Variants in CTNND2 observed in about 807,000 individuals in gnomAD.
CTNND2 encodes the protein catenin delta 2, also known as catenin delta-2.
Under a neutral mutation model 144.4 loss-of-function variants are expected in CTNND2, and 22 were observed. The observed-to-expected ratio is 0.15, with a 90% CI of 0.11 to 0.22. CTNND2 has a LOEUF of 0.22. CTNND2 is among the 10% of genes least tolerant of loss of function. The pLI, the probability that CTNND2 is intolerant of heterozygous loss-of-function variation, is 1.00. For missense variants in CTNND2, 1,353 were observed against 1,618.8 expected, an observed-to-expected ratio of 0.84 and a Z score of 2.82; for synonymous variants, 751 against 695.6, an observed-to-expected ratio of 1.08 and a Z score of -1.25.
chr5:11,524,138 C>T (rs895485212), intron 3 of CTNND2, among the ~76,000 whole-genome samples: 2 of 152,140 alleles, frequency 1.3e-5, no homozygotes, highest in African/African-American at 4.8e-5. Flanking sequence ...AAGCCTGGGG[C>T]TGGAATCTGT....
At chr5:11,430,398 T>A in intron 3 of CTNND2, among the ~76,000 whole-genome samples, 2 of 127,618 alleles carry the variant, frequency 1.6e-5, no homozygotes, top group Non-Finnish European at 1.6e-5. Context: ...TCAAAAATAA[T>A]GATGTAGGTG....
chr5:11,504,413 T>C (rs1202879802), intron 3 of CTNND2, among the ~76,000 whole-genome samples: 1 of 152,186 alleles, frequency 6.6e-6, no homozygotes, highest in African/African-American at 2.4e-5. Context: ...AAATTGTATA[T>C]GTATATAAAA....
At chr5:11,131,050 G>A (rs1489353265) in intron 12 of CTNND2, among the ~76,000 whole-genome samples, 8 of 152,086 alleles carry the variant, frequency 5.3e-5, no homozygotes, top group East Asian at 1.9e-4. Context: ...CAAACACAGC[G>A]AAAAGAAAAT....
chr5:11,721,005 CT>C (rs1786644272), intron 2 of CTNND2, among the ~76,000 whole-genome samples: 1 of 152,156 alleles, frequency 6.6e-6, no homozygotes, highest in Non-Finnish European at 1.5e-5. Flanking sequence ...TCCACACAAA[CT>C]TGTACACAAA....
At chr5:11,134,419 C>T (rs980642075) in intron 12 of CTNND2, among the ~76,000 whole-genome samples, 1 of 152,184 alleles carries the variant, frequency 6.6e-6, no homozygotes, top group Non-Finnish European at 1.5e-5. Context: ...AGCCAAGACC[C>T]CTGCATTTCT....
At chr5:10,982,853 G>C (rs1293640838) in intron 20 of CTNND2, among the ~76,000 whole-genome samples, 3 of 152,196 alleles carry the variant, frequency 2.0e-5, no homozygotes, top group Non-Finnish European at 2.9e-5. Flanking sequence ...GCAGCAACGT[G>C]GTGGAACTGG....
intron 10 of CTNND2, among the ~76,000 whole-genome samples, chr5:11,209,863 A>C (rs940906457): frequency 5.9e-5 from 9 of 152,154 alleles, no homozygotes; most frequent in African/African-American, 2.2e-4. Context: ...TGGAGCTTGC[A>C]GTGAGCCGAG....
chr5:11,818,344 C>T (rs1376007861), intron 1 of CTNND2, among the ~76,000 whole-genome samples: 1 of 151,894 alleles, frequency 6.6e-6, no homozygotes, highest in African/African-American at 2.4e-5. Context: ...TTTCCTTTGA[C>T]CCAAGCAGCC....
chr5:11,349,335 G>T (rs570739941), intron 8 of CTNND2, among the ~76,000 whole-genome samples: 2 of 152,128 alleles, frequency 1.3e-5, no homozygotes, highest in Non-Finnish European at 2.9e-5. Flanking sequence ...GGGCTCTGTT[G>T]TAAGTGCTTT....
chr5:11,257,806 C>A (rs1744424355), intron 9 of CTNND2, among the ~76,000 whole-genome samples: 1 of 152,180 alleles, frequency 6.6e-6, no homozygotes, highest in Non-Finnish European at 1.5e-5. Flanking sequence ...CCTTGCCAGG[C>A]AAACGAATGA....
chr5:11,311,790 C>T (rs1188732752), intron 9 of CTNND2, among the ~76,000 whole-genome samples: 10 of 147,996 alleles, frequency 6.8e-5, no homozygotes, highest in African/African-American at 2.5e-4. Flanking sequence ...CACACACACA[C>T]ACACACACAC....
chr5:11,661,820 C>G (rs1293384057), intron 2 of CTNND2, among the ~76,000 whole-genome samples: 1 of 151,802 alleles, frequency 6.6e-6, no homozygotes, highest in East Asian at 1.9e-4. Flanking sequence ...ATGTCACGGA[C>G]TGGTACCGGC....
chr5:11,839,547 C>T (rs945764088), intron 1 of CTNND2, among the ~76,000 whole-genome samples: 5 of 152,046 alleles, frequency 3.3e-5, no homozygotes, highest in African/African-American at 1.2e-4. Flanking sequence ...AATGCAAAAT[C>T]ATGAGTGGCT....
intron 3 of CTNND2, among the ~76,000 whole-genome samples, chr5:11,436,944 C>T (rs761741532): frequency 4.6e-5 from 7 of 152,136 alleles, no homozygotes; most frequent in Non-Finnish European, 7.3e-5. Flanking sequence ...AAATACAGGC[C>T]AACCTAATCC....
At chr5:11,178,991 C>A (rs1241207239) in intron 11 of CTNND2, among the ~76,000 whole-genome samples, 2 of 152,158 alleles carry the variant, frequency 1.3e-5, no homozygotes, top group East Asian at 3.8e-4. Context: ...ACAACTATTT[C>A]TTAATTATGA....
At chr5:11,837,056 T>C (rs1794224546) in intron 1 of CTNND2, among the ~76,000 whole-genome samples, 1 of 152,228 alleles carries the variant, frequency 6.6e-6, no homozygotes, top group Non-Finnish European at 1.5e-5. Context: ...CAGTTGTGGA[T>C]CTGGTACTTG....
intron 2 of CTNND2, among the ~76,000 whole-genome samples, chr5:11,632,027 A>G (rs1005405424): frequency 2.0e-5 from 3 of 152,208 alleles, no homozygotes; most frequent in Non-Finnish European, 2.9e-5. Context: ...AGAACTGAAG[A>G]CCAAGTGTTT....
At chr5:11,424,363 G>C (rs911312925) in intron 3 of CTNND2, among the ~76,000 whole-genome samples, 7 of 152,266 alleles carry the variant, frequency 4.6e-5, no homozygotes, top group Admixed American at 4.6e-4. Context: ...GGGTAGCACG[G>C]GGGAGACTTG....
At chr5:11,799,431 C>T (rs1791563918) in intron 1 of CTNND2, among the ~76,000 whole-genome samples, 1 of 152,144 alleles carries the variant, frequency 6.6e-6, no homozygotes, top group Non-Finnish European at 1.5e-5. Flanking sequence ...GCTTACAGTT[C>T]AATGTCTCTT....
Sources: gnomAD v4.1 joint callset for allele counts (sites outside exome capture counted in the v4.1 genomes callset) on GRCh38, gnomAD v4.1.1 for gene constraint, MANE v1.5 for transcripts, NCBI Gene and HGNC (gene_info 2026-07-23, HGNC 2026-07-21) for gene names.